Variants in MARCHF1 observed in about 807,000 individuals in gnomAD.
The protein encoded by MARCHF1 is membrane associated ring-CH-type finger 1.
MARCHF1 carries 40 observed loss-of-function variants against 54.2 expected under a neutral mutation model. That is an observed-to-expected ratio of 0.74 (90% CI 0.57 to 0.96). The LOEUF (loss-of-function observed/expected upper bound fraction) is 0.96, where lower values mean the gene tolerates loss of function less well. Ranked by LOEUF, MARCHF1 falls within the 40% of genes least tolerant of loss-of-function variation. The pLI is 0.00. For synonymous variants in MARCHF1, 236 were observed against 236.3 expected (o/e 1.00, Z 0.01); for missense variants, 586 against 656.5 (o/e 0.89, Z 1.17).
At position 164,164,678 on chromosome 4, in the gene MARCHF1, A is replaced by C. The variant is rs564658827; in HGVS notation, c.-322-53016T>G. Among the ~76,000 whole-genome samples the C allele has an allele frequency of 2.0e-5, 3 of 152,146 alleles. No individual in the cohort carries two copies. In the South Asian group the frequency reaches 6.2e-4, roughly 32 times the overall value. The stretch of plus-strand genomic sequence containing the variant: ...TGCCATTATGGTGGTGGAAGAAAAT[A>C]GTGTTTCAATGACTCTTTAATTTGG... On this transcript the variant is annotated intron_variant, in intron 1 of 9. Coordinates refer to ENST00000514618, the MANE Select transcript of MARCHF1 (RefSeq NM_001394959.1).
chr4:163,670,345 T>C (rs1052049555), intron 5 of MARCHF1, among the ~76,000 whole-genome samples: 1 of 151,142 alleles, frequency 6.6e-6, no homozygotes, highest in Non-Finnish European at 1.5e-5. Context: ...AGACAAATTA[T>C]AGACCTAGAG....
intron 2 of MARCHF1, among the ~76,000 whole-genome samples, chr4:164,102,755 C>A (rs887955229): frequency 1.3e-5 from 2 of 151,030 alleles, no homozygotes; most frequent in African/African-American, 4.9e-5. Context: ...ATTAAATTCA[C>A]ACATAACAAT....
At chr4:163,645,638 G>A (rs765643468) in intron 5 of MARCHF1, among the ~76,000 whole-genome samples, 20 of 152,120 alleles carry the variant, frequency 1.3e-4, no homozygotes, top group Non-Finnish European at 1.6e-4. Context: ...AGCAATGCAC[G>A]AACACAATGA....
chr4:164,199,032 G>C (rs1238355680), intron 1 of MARCHF1, among the ~76,000 whole-genome samples: 2 of 152,176 alleles, frequency 1.3e-5, no homozygotes, highest in African/African-American at 4.8e-5. Flanking sequence ...GATTCCACTA[G>C]TAAAATGCTT....
intron 2 of MARCHF1, among the ~76,000 whole-genome samples, chr4:164,054,878 T>C (rs1188119801): frequency 2.6e-5 from 4 of 151,400 alleles, no homozygotes; most frequent in African/African-American, 9.7e-5. Context: ...TGTATACATA[T>C]GTAACTAACA....
chr4:163,995,409 T>C (rs1753056328), intron 2 of MARCHF1, among the ~76,000 whole-genome samples: 1 of 152,058 alleles, frequency 6.6e-6, no homozygotes, highest in Non-Finnish European at 1.5e-5. Context: ...GATTAAACTA[T>C]TGGCTGATGT....
intron 1 of MARCHF1, among the ~76,000 whole-genome samples, chr4:164,381,394 T>C (rs1578917052): frequency 2.0e-5 from 3 of 152,304 alleles, no homozygotes; most frequent in South Asian, 2.1e-4. Flanking sequence ...TCTGAGAAAT[T>C]TTCTCAGTAT....
At chr4:163,585,276 T>C (rs1284843208) in intron 8 of MARCHF1, 1 of 152,212 alleles carries the variant, frequency 6.6e-6, no homozygotes, top group Non-Finnish European at 1.5e-5. Flanking sequence ...CAAACATAAA[T>C]AGTACACACT....
chr4:163,545,521 G>A, intron 9 of MARCHF1, 75 bp downstream of exon 9: 9 of 1,454,454 alleles, frequency 6.2e-6, no homozygotes, highest in East Asian at 2.3e-5. Flanking sequence ...CCTAACCTGG[G>A]GAAATAACTT....
At chr4:163,676,976 C>A (rs1743940253) in intron 5 of MARCHF1, among the ~76,000 whole-genome samples, 1 of 151,290 alleles carries the variant, frequency 6.6e-6, no homozygotes, top group Non-Finnish European at 1.5e-5. Context: ...GAATTTAAGG[C>A]AAAAATATCA....
rs76939195 is a variant in MARCHF1 at position 163,694,454 on chromosome 4, A to G, written c.162+6359T>C. On this transcript the variant is annotated intron_variant, in intron 5 of 9. Coordinates refer to ENST00000514618, the MANE Select transcript of MARCHF1 (RefSeq NM_001394959.1). Reference sequence around the variant, plus strand: ...AATGAATGGCAAATACTGGAGGATGAAAGCCTTGCTCCCTTGCCTCAAGAG... The same window carrying G: ...AATGAATGGCAAATACTGGAGGATGGAAGCCTTGCTCCCTTGCCTCAAGAG... Among the ~76,000 whole-genome samples, 1,006 of 152,292 alleles carry G rather than the reference A, an allele frequency of 6.6e-3. 13 individuals carry two copies. Among genetic ancestry groups the G allele is most frequent in the African/African-American group, 0.023 (958 of 41,556 alleles).
At chr4:164,181,968 A>G (rs1430629941) in intron 1 of MARCHF1, among the ~76,000 whole-genome samples, 1 of 152,126 alleles carries the variant, frequency 6.6e-6, no homozygotes, top group Admixed American at 6.5e-5. Flanking sequence ...TTGGGACTCA[A>G]TCATGCATAC....
At chr4:163,706,152 A>G (rs1199000617) in intron 4 of MARCHF1, among the ~76,000 whole-genome samples, 1 of 152,114 alleles carries the variant, frequency 6.6e-6, no homozygotes, top group African/African-American at 2.4e-5. Context: ...AGATGTGACC[A>G]GAACTAACAA....
chr4:163,952,238 C>T (rs961417266), intron 3 of MARCHF1, among the ~76,000 whole-genome samples: 1 of 152,154 alleles, frequency 6.6e-6, no homozygotes, highest in Non-Finnish European at 1.5e-5. Flanking sequence ...GATTATTTCA[C>T]ACATTCTTTT....
At chr4:164,241,001 TTTTTCCCA>T (rs1732726176) in intron 1 of MARCHF1, among the ~76,000 whole-genome samples, 1 of 152,146 alleles carries the variant, frequency 6.6e-6, no homozygotes, top group Non-Finnish European at 1.5e-5. Context: ...GACTGGGGAC[TTTTTCCCA>T]ATTACTCCTA....
chr4:164,130,086 G>T, intron 1 of MARCHF1: 1 of 151,840 alleles, frequency 6.6e-6, no homozygotes, highest in East Asian at 1.9e-4. Flanking sequence ...AAAATGGTTT[G>T]AATAAAATTC....
intron 2 of MARCHF1, among the ~76,000 whole-genome samples, chr4:164,001,479 C>CT: frequency 6.6e-6 from 1 of 151,570 alleles, no homozygotes; most frequent in South Asian, 2.1e-4. Flanking sequence ...TGTTTTCAGG[C>CT]TTTTTTCACA....
At chr4:164,271,631 C>A (rs1305943114) in intron 1 of MARCHF1, among the ~76,000 whole-genome samples, 2 of 152,082 alleles carry the variant, frequency 1.3e-5, no homozygotes, top group Admixed American at 1.3e-4. Context: ...AGTAATAGAA[C>A]AAGTGGTTAT....
intron 8 of MARCHF1, among the ~76,000 whole-genome samples, chr4:163,575,853 T>C (rs867385164): frequency 1.3e-5 from 2 of 152,012 alleles, no homozygotes; most frequent in African/African-American, 2.4e-5. Context: ...ATAATAGTCT[T>C]TGGACATCTT....
Sources: gnomAD v4.1 joint callset for allele counts (sites outside exome capture counted in the v4.1 genomes callset) on GRCh38, gnomAD v4.1.1 for gene constraint, MANE v1.5 for transcripts, NCBI Gene and HGNC (gene_info 2026-07-23, HGNC 2026-07-21) for gene names.